The following RBFOX1 variants were observed in gnomAD, a reference collection of about 807,000 sequenced individuals.
RBFOX1 encodes the protein RNA binding fox-1 homolog 1, also known as RNA binding protein fox-1 homolog 1.
RBFOX1 carries 8 observed loss-of-function variants against 57.7 expected under a neutral mutation model. The ratio of observed to expected loss-of-function variants is 0.14; its 90% CI spans 0.08 to 0.25. RBFOX1 has a LOEUF of 0.25. Among genes scored for constraint, RBFOX1 ranks in the 10% least tolerant of loss-of-function variants. The pLI, the probability that RBFOX1 is intolerant of heterozygous loss-of-function variation, is 1.00. For missense variants in RBFOX1, 611 were observed against 548.5 expected, an observed-to-expected ratio of 1.11 and a Z score of -1.14; for synonymous variants, 326 against 222.4, an observed-to-expected ratio of 1.47 and a Z score of -4.15.
At chr16:5,966,308 C>A (rs1355416929) in intron 4 of RBFOX1, among the ~76,000 whole-genome samples, 1 of 152,150 alleles carries the variant, frequency 6.6e-6, no homozygotes, top group Non-Finnish European at 1.5e-5. Flanking sequence ...GCTCATGGTT[C>A]TGCAGGCTGT....
At chr16:5,694,243 C>T (rs1286341524) in intron 3 of RBFOX1, among the ~76,000 whole-genome samples, 1 of 152,322 alleles carries the variant, frequency 6.6e-6, no homozygotes, top group Non-Finnish European at 1.5e-5. Context: ...GCCTGATTTA[C>T]CAGCCTCAAT....
At chr16:5,255,264 C>T (rs1050780014) in intron 1 of RBFOX1, among the ~76,000 whole-genome samples, 1 of 151,906 alleles carries the variant, frequency 6.6e-6, no homozygotes, top group African/African-American at 2.4e-5. Flanking sequence ...CTTTGGAGGA[C>T]CCCGGATAAA....
At chr16:5,944,790 TAAAAA>T (rs60749168) in intron 4 of RBFOX1, among the ~76,000 whole-genome samples, 1 of 41,258 alleles carries the variant, frequency 2.4e-5, no homozygotes. Context: ...CTGTCTCTGC[TAAAAA>T]AAAAAAAAAA....
chr16:5,998,219 T>C (rs981901833), intron 4 of RBFOX1, among the ~76,000 whole-genome samples: 1 of 152,234 alleles, frequency 6.6e-6, no homozygotes, highest in African/African-American at 2.4e-5. Flanking sequence ...TACACTAGAT[T>C]CCTCTGATGT....
At chr16:5,776,418 CTG>C (rs1487799425) in intron 3 of RBFOX1, among the ~76,000 whole-genome samples, 2 of 152,214 alleles carry the variant, frequency 1.3e-5, no homozygotes, top group East Asian at 3.9e-4. Context: ...CTGCATCCCT[CTG>C]TGTGAATTGG....
At chr16:6,080,358 C>G (rs913027562) in intron 1 of RBFOX1, among the ~76,000 whole-genome samples, 1 of 152,146 alleles carries the variant, frequency 6.6e-6, no homozygotes, top group Non-Finnish European at 1.5e-5. Flanking sequence ...CCAGCTCTCA[C>G]CTAAGTTCAG....
chr16:5,921,906 C>T (rs1272350914), intron 4 of RBFOX1, among the ~76,000 whole-genome samples: 7 of 151,886 alleles, frequency 4.6e-5, no homozygotes, highest in African/African-American at 1.7e-4. Context: ...AATCCCAGCA[C>T]TTTGGGAAGG....
intron 3 of RBFOX1, among the ~76,000 whole-genome samples, chr16:6,680,569 G>T (rs1382213263): frequency 1.3e-5 from 2 of 151,976 alleles, no homozygotes; most frequent in Non-Finnish European, 2.9e-5. Context: ...GGCCCTCTTT[G>T]CTTTTTCTTA....
At chr16:6,913,003 T>G (rs2072104022) in intron 3 of RBFOX1, among the ~76,000 whole-genome samples, 1 of 152,042 alleles carries the variant, frequency 6.6e-6, no homozygotes, top group Non-Finnish European at 1.5e-5. Flanking sequence ...TGCTTTATAT[T>G]CTACTTCCTA....
rs547173908 is a variant in RBFOX1, at chr16:6,778,834, T to C, written c.-16+124184T>C. Among the ~76,000 whole-genome samples, 44 of 152,050 alleles carry C rather than the reference T, an allele frequency of 2.9e-4. 1 individual carries two copies. The highest frequency in any genetic ancestry group is 1.1e-3 in the African/African-American group (44 of 41,492). ...ACCAATAAAACCTATCAAAACAATT[T>C]AATTGAATACACATACACCACACAC... On this transcript the variant is annotated intron_variant, in intron 3 of 15. Transcript: ENST00000550418.
chr16:5,473,628 T>C (rs1028725041), intron 2 of RBFOX1, among the ~76,000 whole-genome samples: 14 of 133,074 alleles, frequency 1.1e-4, no homozygotes, highest in African/African-American at 4.0e-4. Context: ...GATGGAAGGA[T>C]AGATGTAAGG....
chr16:5,541,350 A>G (rs921304415), intron 2 of RBFOX1, among the ~76,000 whole-genome samples: 3 of 152,152 alleles, frequency 2.0e-5, no homozygotes, highest in Non-Finnish European at 4.4e-5. Context: ...CGCCCATGAC[A>G]CTGCCTCAGG....
Position 7,411,972 on chromosome 16 carries a change from G to T in RBFOX1, c.28-106175G>T, listed in dbSNP as rs536818452. 1.1e-4 allele frequency among the ~76,000 whole-genome samples: 17 copies of T among 151,162 alleles called. No individual in the cohort carries two copies. In the South Asian group the frequency reaches 3.6e-3, roughly 32 times the overall value. ...ATCACAGACAAGAAGAAACTTCAGA[G>T]TCACGGCCGCCCAGATGCCATGTGG... On this transcript the variant is annotated intron_variant, in intron 4 of 15. Transcript: ENST00000550418.
chr16:5,793,987 G>A (rs2054792646), intron 3 of RBFOX1, among the ~76,000 whole-genome samples: 1 of 152,158 alleles, frequency 6.6e-6, no homozygotes, highest in Non-Finnish European at 1.5e-5. Context: ...AAACTGCAAG[G>A]TGTTGGACAA....
At chr16:5,535,640 G>A (rs192752480) in intron 2 of RBFOX1, among the ~76,000 whole-genome samples, 165 of 152,252 alleles carry the variant, frequency 1.1e-3, no homozygotes, top group Non-Finnish European at 2.8e-4. Context: ...CCTGTGTTTT[G>A]CAACTGATTT....
intron 13 of RBFOX1, among the ~76,000 whole-genome samples, chr16:7,671,320 A>G (rs1003099699): frequency 1.3e-5 from 2 of 152,198 alleles, no homozygotes; most frequent in Non-Finnish European, 2.9e-5. Flanking sequence ...AAGTTATAAC[A>G]CAAAGTGGTT....
At chr16:7,137,151 A>G (rs1424985165) in intron 4 of RBFOX1, among the ~76,000 whole-genome samples, 2 of 152,228 alleles carry the variant, frequency 1.3e-5, no homozygotes, top group Non-Finnish European at 2.9e-5. Flanking sequence ...GTGGGTTTCT[A>G]GGTACATCTG....
chr16:7,296,202 A>G (rs1255855623), intron 4 of RBFOX1, among the ~76,000 whole-genome samples: 2 of 151,398 alleles, frequency 1.3e-5, no homozygotes, highest in South Asian at 2.1e-4. Context: ...GAAAATTTTA[A>G]TAGACTTAAA....
intron 1 of RBFOX1, among the ~76,000 whole-genome samples, chr16:6,249,482 C>G (rs1330230849): frequency 6.6e-6 from 1 of 152,272 alleles, no homozygotes; most frequent in South Asian, 2.1e-4. Context: ...CAAGATCGTG[C>G]CACTGCACTC....
Sources: allele counts gnomAD v4.1 joint callset (sites outside exome capture counted in the v4.1 genomes callset), GRCh38; gene constraint gnomAD v4.1.1; transcripts MANE v1.5; gene names NCBI Gene and HGNC (gene_info 2026-07-23, HGNC 2026-07-21).